DPP10: variants seen among roughly 807,000 people sequenced by gnomAD.
DPP10 encodes dipeptidyl peptidase like 10, also known as inactive dipeptidyl peptidase 10.
DPP10 carries 33 observed loss-of-function variants against 120.9 expected under a neutral mutation model. That is an observed-to-expected ratio of 0.27 (90% confidence interval 0.21 to 0.37). The LOEUF is 0.37. DPP10 is among the 10% of genes least tolerant of loss of function. The pLI is 1.00. For synonymous variants in DPP10, 337 were observed against 326.1 expected, an observed-to-expected ratio of 1.03 and a Z score of -0.36; for missense variants, 816 against 942.8, an observed-to-expected ratio of 0.87 and a Z score of 1.76.
At chr2:115,476,860 A>G (rs929293131) in intron 3 of DPP10, among the ~76,000 whole-genome samples, 7 of 152,182 alleles carry the variant, frequency 4.6e-5, no homozygotes, top group African/African-American at 9.6e-5. Flanking sequence ...ATGGTTCAAC[A>G]TATAAAAATC....
Position 115,356,060 on chromosome 2 carries a change from A to G in DPP10, c.271+12148A>G, listed in dbSNP as rs961950916. ...ACAGGGTCTTCTTTGATTCCATATG[A>G]AATTTAAAGTCGTTTTTTCTTCTTC... On this transcript the variant is annotated intron_variant, in intron 3 of 25. Coordinates refer to ENST00000410059, the MANE Select transcript of DPP10 (RefSeq NM_020868.6). Among the ~76,000 whole-genome samples the G allele has an allele frequency of 4.6e-5, 7 of 152,232 alleles. No individual in the cohort carries two copies. In the South Asian group the frequency reaches 1.5e-3, roughly 32 times the overall value.
intron 1 of DPP10, among the ~76,000 whole-genome samples, chr2:114,469,062 G>A (rs773037684): frequency 1.3e-5 from 2 of 152,200 alleles, no homozygotes; most frequent in African/African-American, 4.8e-5. Context: ...CGATAGGCAT[G>A]CAAGAAGCAA....
At chr2:115,024,705 ATT>A (rs1180952819) in intron 1 of DPP10, among the ~76,000 whole-genome samples, 1 of 147,734 alleles carries the variant, frequency 6.8e-6, no homozygotes, top group Non-Finnish European at 1.5e-5. Context: ...ATATATATAT[ATT>A]TGTTAAATAT....
intron 3 of DPP10, among the ~76,000 whole-genome samples, chr2:115,457,469 T>C (rs1023090829): frequency 1.3e-5 from 2 of 152,134 alleles, no homozygotes; most frequent in African/African-American, 4.8e-5. Context: ...TTATATTTTA[T>C]GAAGATCTTA....
chr2:115,115,543 A>G lies in DPP10; in HGVS notation c.61-193696A>G, dbSNP rs147398266. On this transcript the variant is annotated intron_variant, in intron 1 of 25. Transcript: ENST00000410059. ...ATAGTGGATGCACATGCCAAATCTAATTATCCCTTATCTCACAAAGTCATT... is the reference window on the plus strand; with the variant it reads ...ATAGTGGATGCACATGCCAAATCTAGTTATCCCTTATCTCACAAAGTCATT... Among the ~76,000 whole-genome samples the G allele has an allele frequency of 6.2e-3, 939 of 152,278 alleles. 6 individuals are homozygous for G. Among genetic ancestry groups the G allele is most frequent in the Middle Eastern group, 0.02 (6 of 294 alleles).
chr2:115,502,641 CAT>C (rs1210660405), intron 4 of DPP10, among the ~76,000 whole-genome samples: 4 of 152,090 alleles, frequency 2.6e-5, no homozygotes, highest in African/African-American at 9.7e-5. Context: ...GGGTTGTAAA[CAT>C]AAGTCCAAGC....
intron 19 of DPP10, among the ~76,000 whole-genome samples, chr2:115,814,298 GT>G (rs11367704): frequency 0.019 from 2,784 of 148,518 alleles, 85 homozygotes; most frequent in African/African-American, 0.062. Context: ...TACTAATGCA[GT>G]TTTTTTTTTA....
At chr2:114,486,113 C>T (rs1014030746) in intron 1 of DPP10, among the ~76,000 whole-genome samples, 1 of 152,082 alleles carries the variant, frequency 6.6e-6, no homozygotes, top group Admixed American at 6.6e-5. Context: ...TGATTATTTC[C>T]TATGTTAAGA....
At chr2:115,268,188 T>C (rs2059540407) in intron 1 of DPP10, among the ~76,000 whole-genome samples, 1 of 152,230 alleles carries the variant, frequency 6.6e-6, no homozygotes, top group Admixed American at 6.5e-5. Flanking sequence ...AGACTCCTAC[T>C]AGCTCTTTGC....
intron 1 of DPP10, among the ~76,000 whole-genome samples, chr2:114,620,328 G>A (rs532564736): frequency 6.6e-6 from 1 of 152,034 alleles, no homozygotes; most frequent in East Asian, 1.9e-4. Flanking sequence ...CTAAAATGAA[G>A]CCCTCTGAGT....
At chr2:115,047,104 AG>A (rs11319947) in intron 1 of DPP10, among the ~76,000 whole-genome samples, 47,955 of 151,890 alleles carry the variant, frequency 0.32, 7,873 homozygotes, top group East Asian at 0.48. Flanking sequence ...TGATTTTAAC[AG>A]AAGTGACGTT....
intron 1 of DPP10, among the ~76,000 whole-genome samples, chr2:114,775,250 A>G (rs917159809): frequency 6.6e-6 from 1 of 152,164 alleles, no homozygotes; most frequent in African/African-American, 2.4e-5. Flanking sequence ...AAAGTGTCCA[A>G]AGAAAGATTT....
chr2:115,010,449 C>A (rs1237936247), intron 1 of DPP10, among the ~76,000 whole-genome samples: 1 of 152,038 alleles, frequency 6.6e-6, no homozygotes, highest in Admixed American at 6.6e-5. Context: ...ACAGATGTGA[C>A]AATGCCCAGG....
chr2:115,621,897 C>G (rs2084974963), intron 5 of DPP10, among the ~76,000 whole-genome samples: 2 of 152,080 alleles, frequency 1.3e-5, no homozygotes, highest in Non-Finnish European at 2.9e-5. Context: ...AGGCTGGTCT[C>G]AAACTCCTGA....
chr2:114,614,502 GAATA>G (rs1693532005), intron 1 of DPP10, among the ~76,000 whole-genome samples: 1 of 152,120 alleles, frequency 6.6e-6, no homozygotes, highest in Non-Finnish European at 1.5e-5. Flanking sequence ...AACATCCAAA[GAATA>G]AATCCCAGGA....
At chr2:114,574,511 G>A (rs1689908237) in intron 1 of DPP10, among the ~76,000 whole-genome samples, 2 of 152,148 alleles carry the variant, frequency 1.3e-5, no homozygotes, top group Non-Finnish European at 2.9e-5. Flanking sequence ...AATGTGAAGA[G>A]GAAAGGTAGC....
At chr2:115,090,370 A>C (rs955463375) in intron 1 of DPP10, among the ~76,000 whole-genome samples, 1 of 152,138 alleles carries the variant, frequency 6.6e-6, no homozygotes, top group Non-Finnish European at 1.5e-5. Context: ...GGGAAGGAGT[A>C]GATAAAATTC....
chr2:115,840,346 C>A (rs1452275517), intron 24 of DPP10, among the ~76,000 whole-genome samples: 1 of 63,416 alleles, frequency 1.6e-5, no homozygotes, highest in Non-Finnish European at 2.7e-5. Flanking sequence ...TTTTTTGAGA[C>A]GGAGTCTTGC....
At chr2:115,400,390 C>T (rs543585550) in intron 3 of DPP10, among the ~76,000 whole-genome samples, 1 of 151,822 alleles carries the variant, frequency 6.6e-6, no homozygotes, top group South Asian at 2.1e-4. Context: ...GGACTTCTAG[C>T]TTTGGCAGCA....
Sources: gnomAD v4.1 joint callset for allele counts (sites outside exome capture counted in the v4.1 genomes callset) on GRCh38, gnomAD v4.1.1 for gene constraint, MANE v1.5 for transcripts, NCBI Gene and HGNC (gene_info 2026-07-23, HGNC 2026-07-21) for gene names.